KSR2: variants seen among roughly 807,000 people sequenced by gnomAD.
KSR2 encodes the protein kinase suppressor of ras 2.
A neutral mutation model predicts 107.8 loss-of-function variants in KSR2; 25 were observed. That is an observed-to-expected ratio of 0.23 (90% confidence interval 0.17 to 0.32). The LOEUF (loss-of-function observed/expected upper bound fraction) is 0.32. Among genes scored for constraint, KSR2 ranks in the 10% least tolerant of loss-of-function variants. KSR2 has a pLI of 1.00. For missense variants in KSR2, 887 were observed against 1,268.9 expected, an observed-to-expected ratio of 0.70 and a Z score of 4.57; for synonymous variants, 480 against 507.0, an observed-to-expected ratio of 0.95 and a Z score of 0.71.
intron 3 of KSR2, among the ~76,000 whole-genome samples, chr12:117,796,314 T>C (rs1246128137): frequency 2.0e-5 from 3 of 152,182 alleles, no homozygotes; most frequent in Non-Finnish European, 2.9e-5. Flanking sequence ...TCTCCTAGTG[T>C]GTAAATTGGG....
chr12:117,869,469 C>T (rs1320483865), intron 1 of KSR2, among the ~76,000 whole-genome samples: 3 of 152,154 alleles, frequency 2.0e-5, no homozygotes, highest in South Asian at 2.1e-4. Context: ...GGAGGTAGAG[C>T]GGGTAATCAC....
At chr12:117,728,472 T>C (rs145696786) in intron 4 of KSR2, among the ~76,000 whole-genome samples, 210 of 152,340 alleles carry the variant, frequency 1.4e-3, no homozygotes, top group Non-Finnish European at 2.0e-3. Flanking sequence ...TCCCAGCTGC[T>C]GTCCATTATA....
At chr12:117,935,906 G>A (rs543107799) in intron 1 of KSR2, among the ~76,000 whole-genome samples, 30 of 152,282 alleles carry the variant, frequency 2.0e-4, no homozygotes, top group African/African-American at 6.3e-4. Context: ...AGAGGTCCCC[G>A]GGATCACTCC....
chr12:117,763,708 T>C (rs747009164), intron 3 of KSR2, among the ~76,000 whole-genome samples: 11 of 152,122 alleles, frequency 7.2e-5, no homozygotes, highest in Admixed American at 1.3e-4. Context: ...CAGGAAGCCA[T>C]TGGGAGTTTT....
intron 17 of KSR2, among the ~76,000 whole-genome samples, chr12:117,475,522 C>G (rs1410397010): frequency 1.3e-5 from 2 of 152,190 alleles, no homozygotes; most frequent in African/African-American, 2.4e-5. Context: ...TTATCATCTC[C>G]TGGAAGCCCT....
chr12:117,863,795 C>T (rs1444881607), intron 1 of KSR2, among the ~76,000 whole-genome samples: 1 of 152,128 alleles, frequency 6.6e-6, no homozygotes, highest in African/African-American at 2.4e-5. Flanking sequence ...GTTTCCTTCC[C>T]TTTTCGGTGA....
At chr12:117,606,927 G>A (rs1223251060) in intron 5 of KSR2, among the ~76,000 whole-genome samples, 6 of 152,134 alleles carry the variant, frequency 3.9e-5, no homozygotes, top group Admixed American at 3.3e-4. Context: ...CCTGGCTTAG[G>A]AGAGAAGAGA....
chr12:117,571,926 G>A (rs533659942), intron 7 of KSR2, among the ~76,000 whole-genome samples: 1 of 152,196 alleles, frequency 6.6e-6, no homozygotes, highest in East Asian at 1.9e-4. Context: ...CTGAGTCCAA[G>A]ATCGCTTTTC....
At chr12:117,559,731 G>T (rs1321442483) in intron 7 of KSR2, among the ~76,000 whole-genome samples, 1 of 152,178 alleles carries the variant, frequency 6.6e-6, no homozygotes, top group East Asian at 1.9e-4. Flanking sequence ...CTTTCCCCTG[G>T]AGTTGCCTGA....
intron 3 of KSR2, among the ~76,000 whole-genome samples, chr12:117,806,496 T>C (rs1001453093): frequency 5.9e-5 from 9 of 152,194 alleles, no homozygotes; most frequent in South Asian, 2.1e-4. Context: ...AGGACTTCAA[T>C]ATAGAATTAT....
At position 117,915,800 on chromosome 12, in the gene KSR2, T is replaced by A. The variant is rs192430875; in HGVS notation, c.180+52276A>T. ...ATTAAAGTCCTCTCACTCATTTTTTTAAAAATTTTAAAAGTTAGTTGGGCA... is the reference window on the plus strand; with the variant it reads ...ATTAAAGTCCTCTCACTCATTTTTTAAAAAATTTTAAAAGTTAGTTGGGCA... On this transcript the variant is annotated intron_variant, in intron 1 of 19. Coordinates refer to ENST00000339824, the MANE Select transcript of KSR2 (RefSeq NM_173598.6). 5.7e-4 allele frequency among the ~76,000 whole-genome samples: 87 copies of A among 152,290 alleles called. 1 individual carries two copies. The highest frequency in any genetic ancestry group is 1.9e-3 in the East Asian group (10 of 5,180).
chr12:117,798,068 T>C (rs1381531932), intron 3 of KSR2, among the ~76,000 whole-genome samples: 3 of 147,726 alleles, frequency 2.0e-5, no homozygotes, highest in Non-Finnish European at 4.4e-5. Flanking sequence ...ACTGACCAGA[T>C]TGACTAGCTA....
At chr12:117,724,391 C>G (rs1205582857) in intron 4 of KSR2, among the ~76,000 whole-genome samples, 1 of 151,610 alleles carries the variant, frequency 6.6e-6, no homozygotes, top group African/African-American at 2.4e-5. Flanking sequence ...TCCTCAGATA[C>G]TGAGGTGTTA....
At position 117,558,493 on chromosome 12, in the gene KSR2, G is replaced by A. The variant is rs201431176; in HGVS notation, c.1393+13C>T. Reference sequence around the variant, plus strand: ...CACCCCTGCCCCTAGGGCAGTAAGTGTTAAATAGTTACCTCCTCGGTGGAT... The same window carrying A: ...CACCCCTGCCCCTAGGGCAGTAAGTATTAAATAGTTACCTCCTCGGTGGAT... On this transcript the variant is annotated intron_variant, in intron 8 of 19. Transcript: ENST00000339824. 3 of 1,612,782 alleles carry A rather than the reference G, an allele frequency of 1.9e-6. No individual in the cohort carries two copies. The East Asian group carries it at 6.7e-5, about 36-fold the overall frequency.
At chr12:117,933,000 G>A (rs1444502823) in intron 1 of KSR2, among the ~76,000 whole-genome samples, 5 of 151,674 alleles carry the variant, frequency 3.3e-5, no homozygotes, top group Non-Finnish European at 7.4e-5. Context: ...ATGACAGAGC[G>A]GGACTCTGTC....
intron 12 of KSR2, among the ~76,000 whole-genome samples, chr12:117,527,686 T>C (rs1259079247): frequency 1.3e-5 from 2 of 152,216 alleles, no homozygotes; most frequent in Non-Finnish European, 2.9e-5. Flanking sequence ...GAATTGAAAC[T>C]GGCACGGCTT....
intron 9 of KSR2, among the ~76,000 whole-genome samples, chr12:117,541,095 G>C (rs528822156): frequency 3.3e-5 from 5 of 152,052 alleles, no homozygotes; most frequent in African/African-American, 1.2e-4. Flanking sequence ...TGGAGGAATG[G>C]GAGGCAGGGA....
intron 6 of KSR2, among the ~76,000 whole-genome samples, chr12:117,581,212 C>T (rs1346214152): frequency 6.6e-6 from 1 of 152,168 alleles, no homozygotes; most frequent in African/African-American, 2.4e-5. Context: ...ATGCTCACCT[C>T]CTCCATGCCC....
intron 3 of KSR2, among the ~76,000 whole-genome samples, chr12:117,853,553 G>A (rs1391092614): frequency 6.6e-6 from 1 of 152,028 alleles, no homozygotes; most frequent in Non-Finnish European, 1.5e-5. Flanking sequence ...TGTTGCCCAG[G>A]CTGGTCTCAA....
Sources: allele counts gnomAD v4.1 joint callset (sites outside exome capture counted in the v4.1 genomes callset), GRCh38; gene constraint gnomAD v4.1.1; transcripts MANE v1.5; gene names NCBI Gene and HGNC (gene_info 2026-07-23, HGNC 2026-07-21).